Variants in AVEN observed in about 807,000 individuals in gnomAD.
AVEN encodes the protein cell death regulator Aven.
A neutral mutation model predicts 38.1 loss-of-function variants in AVEN; 41 were observed. The ratio of observed to expected loss-of-function variants is 1.08; its 90% CI spans 0.84 to 1.40. AVEN has a LOEUF of 1.40. Among genes scored for constraint, AVEN ranks in the 40% most tolerant of loss-of-function variants. AVEN has a pLI of 0.00. For missense variants in AVEN, 605 were observed against 438.8 expected (o/e 1.38, Z -3.38); for synonymous variants, 206 against 171.8 (o/e 1.20, Z -1.56).
intron 2 of AVEN, among the ~76,000 whole-genome samples, chr15:33,916,198 C>T (rs994596382): frequency 1.9e-4 from 29 of 152,330 alleles, no homozygotes; most frequent in Non-Finnish European, 1.5e-4. Flanking sequence ...AAAGCACCAC[C>T]TCCTGGCAAG....
intron 5 of AVEN, among the ~76,000 whole-genome samples, chr15:34,049,754 G>T (rs1899864831): frequency 6.6e-6 from 1 of 151,706 alleles, no homozygotes; most frequent in South Asian, 2.1e-4. Context: ...ACGTTGAAAT[G>T]AAAGAAAAAA....
chr15:34,043,548 G>T (rs1237193545), upstream of AVEN, among the ~76,000 whole-genome samples: 1 of 152,178 alleles, frequency 6.6e-6, no homozygotes, highest in Admixed American at 6.5e-5. Context: ...ACCAGCTACA[G>T]GGGGAGAGAC....
chr15:33,898,105 C>G (rs951375772), intron 2 of AVEN, among the ~76,000 whole-genome samples: 1 of 152,118 alleles, frequency 6.6e-6, no homozygotes, highest in Non-Finnish European at 1.5e-5. Flanking sequence ...AGGAGAATGG[C>G]GTGAACCAGG....
At chr15:33,873,366 C>G (rs1376895225) in intron 3 of AVEN, among the ~76,000 whole-genome samples, 1 of 150,608 alleles carries the variant, frequency 6.6e-6, no homozygotes, top group African/African-American at 2.4e-5. Flanking sequence ...TCCCAAAGTG[C>G]TGGGATTATA....
In AVEN at chr15:33,866,582, A is replaced by G. The variant is rs751792400; in HGVS notation, c.*31T>C. The G allele has an allele frequency of 1.9e-6, 3 of 1,570,576 alleles. No individual in the cohort carries two copies. The African/African-American group carries it at 4.1e-5, about 21-fold the overall frequency. On this transcript the variant is annotated 3_prime_UTR_variant, in exon 6 of 6. Coordinates refer to ENST00000306730, the MANE Select transcript of AVEN (RefSeq NM_020371.3). Reference sequence around the variant, plus strand: ...CCCACCTGCCGTTAGAAGGCAACCAAGATTTGCTTCAGGCACTTTTTTTCC... The same window carrying G: ...CCCACCTGCCGTTAGAAGGCAACCAGGATTTGCTTCAGGCACTTTTTTTCC...
intron 2 of AVEN, among the ~76,000 whole-genome samples, chr15:33,922,963 ATT>A (rs1476946921): frequency 6.6e-6 from 1 of 152,198 alleles, no homozygotes; most frequent in Non-Finnish European, 1.5e-5. Flanking sequence ...TTTTATAGCT[ATT>A]CTAATCAGTT....
At position 34,017,473 on chromosome 15, in the gene AVEN, ATTTT is replaced by A. The variant is rs200988059; in HGVS notation, c.268-14268_268-14265del. 2.6e-3 allele frequency among the ~76,000 whole-genome samples: 264 copies of A among 101,494 alleles called. 2 individuals are homozygous for A. Among genetic ancestry groups the A allele is most frequent in the Non-Finnish European group, 1.3e-3 (64 of 49,352 alleles). 66.6% of individuals were successfully genotyped at this position (101,494 alleles called of 152,430 possible). A position where few individuals can be genotyped will look rare whatever the true frequency, so the allele number is the denominator to read the frequency against. ...AACCAAGATAAGTGATTTCAGTATGATTTTTTTTTTGTTTTTTTTTTTTTTTTGA... is the reference window on the plus strand; with the variant it reads ...AACCAAGATAAGTGATTTCAGTATGATTTTTTGTTTTTTTTTTTTTTTTGA... On this transcript the variant is annotated intron_variant, in intron 1 of 5. Transcript: ENST00000306730.
At chr15:34,018,723 T>C (rs949812973) in intron 1 of AVEN, among the ~76,000 whole-genome samples, 3 of 152,212 alleles carry the variant, frequency 2.0e-5, no homozygotes, top group South Asian at 2.1e-4. Context: ...TATTCCCTTA[T>C]TTGGCCCTGC....
chr15:33,989,154 AC>A (rs77207435), intron 2 of AVEN, among the ~76,000 whole-genome samples: 33,387 of 148,250 alleles, frequency 0.23, 4,177 homozygotes, highest in Middle Eastern at 0.41. Flanking sequence ...ACAAACACAC[AC>A]AAAAAAGCTA....
At chr15:34,003,309 A>C (rs1897212504) in intron 1 of AVEN, 100 bp from the exon 2 acceptor site, 2 of 948,766 alleles carry the variant, frequency 2.1e-6, no homozygotes, top group Non-Finnish European at 1.6e-6. Flanking sequence ...AACAATAAAA[A>C]GCAATAGACC....
At chr15:34,014,906 GAAT>G (rs1237020700) in intron 1 of AVEN, among the ~76,000 whole-genome samples, 1 of 152,136 alleles carries the variant, frequency 6.6e-6, no homozygotes, top group Admixed American at 6.5e-5. Flanking sequence ...AGCAGAAGAG[GAAT>G]AATAAAAGAT....
chr15:33,938,090 G>T (rs1894164123), intron 2 of AVEN, among the ~76,000 whole-genome samples: 1 of 151,878 alleles, frequency 6.6e-6, no homozygotes, highest in Non-Finnish European at 1.5e-5. Context: ...TATCTTAGGG[G>T]GAAAGAAAGA....
downstream of AVEN, chr15:33,864,932 C>T (rs1889953949): frequency 3.9e-6 from 2 of 511,916 alleles, no homozygotes; most frequent in Admixed American, 3.6e-5. Flanking sequence ...TCCTTCCCTG[C>T]CAGCATGTGT....
chr15:33,986,300 G>A (rs1987382), intron 2 of AVEN, among the ~76,000 whole-genome samples: 141,869 of 151,766 alleles, frequency 0.93, 66,910 homozygotes, highest in Non-Finnish European at 1. Context: ...TAGTAGAAAC[G>A]GGGTTTCACC....
chr15:33,879,545 G>T lies in AVEN; in HGVS notation c.446-3550C>A, dbSNP rs974220844. Among the ~76,000 whole-genome samples, 2 of 105,552 alleles carry T rather than the reference G, an allele frequency of 1.9e-5. 1 individual carries two copies. Among genetic ancestry groups the T allele is most frequent in the South Asian group, 5.6e-4 (2 of 3,546 alleles). 69.2% of individuals were successfully genotyped at this position (105,552 alleles called of 152,430 possible). On this transcript the variant is annotated intron_variant, in intron 2 of 5. Coordinates refer to ENST00000306730, the MANE Select transcript of AVEN (RefSeq NM_020371.3). ...TGTGCACATGTACCCTAAAACTTAA[G>T]GTATAATAATAAAATAAAAAAAAGA...
rs549787427 is a variant in AVEN, at chr15:33,912,225, T to C, written c.446-36230A>G. On this transcript the variant is annotated intron_variant, in intron 2 of 5. Coordinates refer to ENST00000306730, the MANE Select transcript of AVEN (RefSeq NM_020371.3). ...AAGTTTAAGGGAAAGAACAAACGTATGTTCTTTAGAAGAGGCATAAATATT... is the reference window on the plus strand; with the variant it reads ...AAGTTTAAGGGAAAGAACAAACGTACGTTCTTTAGAAGAGGCATAAATATT... 5.9e-5 allele frequency among the ~76,000 whole-genome samples: 9 copies of C among 152,268 alleles called. No individual in the cohort carries two copies. In the South Asian group the frequency reaches 1.7e-3, roughly 28 times the overall value.
chr15:33,939,957 A>C (rs746148812), intron 2 of AVEN, among the ~76,000 whole-genome samples: 73 of 152,324 alleles, frequency 4.8e-4, no homozygotes, highest in Non-Finnish European at 4.9e-4. Flanking sequence ...AGTAGTGTTA[A>C]GTATATTTAC....
At chr15:34,066,972 G>A (rs894593563) in intron 2 of AVEN, 4 of 152,118 alleles carry the variant, frequency 2.6e-5, no homozygotes, top group Non-Finnish European at 5.9e-5. Flanking sequence ...CGGCTTTAGT[G>A]GGGTCCTCAG....
At chr15:33,985,788 AGT>A in intron 2 of AVEN, among the ~76,000 whole-genome samples, 1 of 152,166 alleles carries the variant, frequency 6.6e-6, no homozygotes. Flanking sequence ...CCATGTACGC[AGT>A]CACTTAATCT....
Sources: gnomAD v4.1 joint callset for allele counts (sites outside exome capture counted in the v4.1 genomes callset) on GRCh38, gnomAD v4.1.1 for gene constraint, MANE v1.5 for transcripts, NCBI Gene and HGNC (gene_info 2026-07-23, HGNC 2026-07-21) for gene names.